Variants in CAST observed in about 807,000 individuals in gnomAD.
CAST encodes the protein MIR583 host.
In CAST, 76 loss-of-function variants were observed where a neutral mutation model predicts 119.6. The observed-to-expected ratio is 0.64, with a 90% CI of 0.53 to 0.77. The LOEUF (loss-of-function observed/expected upper bound fraction) is 0.77. CAST is among the 30% of genes least tolerant of loss of function. The probability of loss-of-function intolerance (pLI) is 0.00; values close to 1 mark genes in which losing one functional copy is unlikely to be tolerated. For synonymous variants in CAST, 319 were observed against 331.6 expected (o/e 0.96, Z 0.41); for missense variants, 953 against 946.5 (o/e 1.01, Z -0.09).
intron 20 of CAST, among the ~76,000 whole-genome samples, chr5:96,753,419 C>G (rs1312196805): frequency 6.6e-6 from 1 of 152,220 alleles, no homozygotes; most frequent in African/African-American, 2.4e-5. Context: ...CCTCTGTGTT[C>G]ACCAGTGTGA....
In CAST at chr5:96,729,619, GCCTAC is replaced by G; in HGVS notation, c.446_450del (p.Leu149GlnfsTer9). 1 of 1,534,782 alleles carries G rather than the reference GCCTAC, an allele frequency of 6.5e-7. No homozygotes were observed. The highest frequency in any genetic ancestry group is 9.0e-7 in the Non-Finnish European group (1 of 1,107,986). On this transcript the variant is annotated frameshift_variant, in exon 8 of 32. Coordinates refer to ENST00000675179, the MANE Select transcript of CAST (RefSeq NM_001750.7). LOFTEE classifies it high-confidence loss of function. ...CTGTGTGTGTACTTTCAGCCAAAAA[GCCTAC>G]CCAAGCAGGCATCAGATACAGGAAG... is the stretch of plus-strand genomic sequence containing the variant.
At chr5:96,303,940 T>G in the CAST span, among the ~76,000 whole-genome samples, 2 of 152,310 alleles carry the variant, frequency 1.3e-5, no homozygotes, top group African/African-American at 4.8e-5. Context: ...AGTAGAATGA[T>G]TTATAATCCT....
chr5:96,568,327 G>A (rs989082228), intron 1 of CAST, among the ~76,000 whole-genome samples: 8 of 152,134 alleles, frequency 5.3e-5, no homozygotes, highest in Non-Finnish European at 1.0e-4. Context: ...CACTTTGGGA[G>A]GCCGAAGCAG....
the CAST span, among the ~76,000 whole-genome samples, chr5:96,496,713 G>A: frequency 2.0e-5 from 3 of 152,178 alleles, no homozygotes; most frequent in Non-Finnish European, 4.4e-5. Context: ...CTATTCTATA[G>A]ATGAAGAAAC....
the CAST span, among the ~76,000 whole-genome samples, chr5:96,039,007 A>G: frequency 2.0e-5 from 3 of 152,032 alleles, no homozygotes; most frequent in East Asian, 5.8e-4. Context: ...AAGTGTTCCT[A>G]TTTTTCCACA....
intron 16 of CAST, 68 bp from the exon 17 acceptor site, chr5:96,746,274 G>T: frequency 1.1e-6 from 1 of 883,956 alleles, no homozygotes; most frequent in Non-Finnish European, 1.9e-6. Flanking sequence ...GAAGTACACA[G>T]AGGAAGTGAT....
At chr5:96,397,181 G>C in the CAST span, among the ~76,000 whole-genome samples, 1 of 152,182 alleles carries the variant, frequency 6.6e-6, no homozygotes, top group Non-Finnish European at 1.5e-5. Context: ...ACGTAACCAA[G>C]TGGTCAGGGC....
At chr5:96,472,040 G>T in the CAST span, among the ~76,000 whole-genome samples, 1 of 152,064 alleles carries the variant, frequency 6.6e-6, no homozygotes, top group Non-Finnish European at 1.5e-5. Context: ...TCTGATTTAG[G>T]CAGAAGAATG....
chr5:96,556,217 C>T (rs1366119351), intron 1 of CAST, among the ~76,000 whole-genome samples: 1 of 152,164 alleles, frequency 6.6e-6, no homozygotes, highest in Non-Finnish European at 1.5e-5. Context: ...TGTACATCTG[C>T]ATCATCAAAG....
At chr5:96,476,309 T>A in the CAST span, among the ~76,000 whole-genome samples, 3 of 152,246 alleles carry the variant, frequency 2.0e-5, no homozygotes, top group Non-Finnish European at 1.5e-5. Context: ...ACTTTATTTT[T>A]AGATTACACC....
At chr5:95,961,910 G>GCCCCGCC in the CAST span, 21 of 699,546 alleles carry the variant, frequency 3.0e-5, no homozygotes, top group South Asian at 4.5e-4. Context: ...CCGGCCCCGC[G>GCCCCGCC]CCCCGCCCCG....
At chr5:96,359,564 A>G in the CAST span, among the ~76,000 whole-genome samples, 1 of 152,148 alleles carries the variant, frequency 6.6e-6, no homozygotes, top group Non-Finnish European at 1.5e-5. Flanking sequence ...CTTGTCTGTA[A>G]AGGACTTTAT....
chr5:96,474,657 T>C, the CAST span, among the ~76,000 whole-genome samples: 4 of 152,114 alleles, frequency 2.6e-5, no homozygotes, highest in African/African-American at 4.8e-5. Context: ...CGGAAGGCCA[T>C]GGAAACTTCC....
chr5:96,001,698 A>G, the CAST span, among the ~76,000 whole-genome samples: 1 of 152,216 alleles, frequency 6.6e-6, no homozygotes, highest in East Asian at 1.9e-4. Context: ...TTTTGTTAAG[A>G]AGTATGTTTT....
chr5:96,354,001 C>G, the CAST span, among the ~76,000 whole-genome samples: 1 of 152,212 alleles, frequency 6.6e-6, no homozygotes, highest in Non-Finnish European at 1.5e-5. Flanking sequence ...CTTCATCCTT[C>G]CAGCTTCTCA....
chr5:96,575,661 A>G (rs1190655488), intron 1 of CAST, among the ~76,000 whole-genome samples: 1 of 143,510 alleles, frequency 7.0e-6, no homozygotes, highest in Non-Finnish European at 1.5e-5. Flanking sequence ...TTTTTTTTTT[A>G]AGACGGAGTC....
At chr5:96,354,895 A>AT in the CAST span, among the ~76,000 whole-genome samples, 1 of 150,972 alleles carries the variant, frequency 6.6e-6, no homozygotes, top group Non-Finnish European at 1.5e-5. Context: ...TTTTTTCTTA[A>AT]TTTTTTAATA....
At chr5:95,962,940 T>G in the CAST span, among the ~76,000 whole-genome samples, 1 of 152,152 alleles carries the variant, frequency 6.6e-6, no homozygotes, top group Non-Finnish European at 1.5e-5. Context: ...ATACTTTCCA[T>G]TCCATCCACA....
the CAST span, among the ~76,000 whole-genome samples, chr5:96,264,096 C>A: frequency 6.6e-6 from 1 of 152,222 alleles, no homozygotes; most frequent in Non-Finnish European, 1.5e-5. Context: ...TCATACATAT[C>A]ACTAAATACG....
Sources: gnomAD v4.1 joint callset for allele counts (sites outside exome capture counted in the v4.1 genomes callset) on GRCh38, gnomAD v4.1.1 for gene constraint, MANE v1.5 for transcripts, NCBI Gene and HGNC (gene_info 2026-07-23, HGNC 2026-07-21) for gene names.